Variants in PLXDC2 observed in about 807,000 individuals in gnomAD.
The protein encoded by PLXDC2 is plexin domain-containing protein 2.
In PLXDC2, 40 loss-of-function variants were observed where a neutral mutation model predicts 68.9. The observed-to-expected ratio is 0.58, with a 90% CI of 0.45 to 0.76. PLXDC2 has a LOEUF of 0.76. Among genes scored for constraint, PLXDC2 ranks in the 30% least tolerant of loss-of-function variants. The pLI, the probability that PLXDC2 is intolerant of heterozygous loss-of-function variation, is 0.00. For missense variants in PLXDC2, 644 were observed against 661.9 expected (o/e 0.97, Z 0.30); for synonymous variants, 243 against 234.2 (o/e 1.04, Z -0.34).
rs184495875 is a variant in PLXDC2, at chr10:20,215,210, G to A, written c.1123-2216G>A. Among the ~76,000 whole-genome samples, 408 of 151,850 alleles carry A rather than the reference G, an allele frequency of 2.7e-3. 4 individuals carry two copies. The highest frequency in any genetic ancestry group is 2.4e-3 in the Non-Finnish European group (162 of 67,934). On this transcript the variant is annotated intron_variant, in intron 10 of 13. Coordinates refer to ENST00000377252, the MANE Select transcript of PLXDC2 (RefSeq NM_032812.9). ...GGTGTGTCACAGAAACCAAGACAGG[G>A]GAGTGGACATCTGCACCATAGGCTG...
At chr10:19,972,692 A>G (rs1185236572) in intron 1 of PLXDC2, among the ~76,000 whole-genome samples, 6 of 152,192 alleles carry the variant, frequency 3.9e-5, no homozygotes, top group African/African-American at 1.4e-4. Flanking sequence ...GGGAGACTTG[A>G]TTAAGGAGAG....
In PLXDC2 at chr10:20,256,611, C is replaced by A. The variant is rs373597373; in HGVS notation, c.1473+11106C>A. 7.8e-4 allele frequency among the ~76,000 whole-genome samples: 118 copies of A among 151,666 alleles called. 4 individuals carry two copies. In the South Asian group the frequency reaches 0.024, roughly 31 times the overall value. On this transcript the variant is annotated intron_variant, in intron 13 of 13. Transcript: ENST00000377252. ...CCTAGATTTGTAATAAGATTTAATCCTCCCAAAAGTGTATCAGATTTTATC... is the reference window on the plus strand; with the variant it reads ...CCTAGATTTGTAATAAGATTTAATCATCCCAAAAGTGTATCAGATTTTATC...
intron 4 of PLXDC2, among the ~76,000 whole-genome samples, chr10:20,081,628 A>C (rs1350174761): frequency 6.6e-6 from 1 of 152,214 alleles, no homozygotes; most frequent in East Asian, 1.9e-4. Flanking sequence ...CCAAAAAACC[A>C]CATGTAGGCA....
At chr10:19,883,634 T>A (rs183791009) in intron 1 of PLXDC2, among the ~76,000 whole-genome samples, 31 of 152,172 alleles carry the variant, frequency 2.0e-4, no homozygotes, top group African/African-American at 7.2e-4. Flanking sequence ...TTGAATAGTG[T>A]CTCCTAGGAT....
intron 4 of PLXDC2, among the ~76,000 whole-genome samples, chr10:20,109,126 C>A (rs1043849451): frequency 6.6e-6 from 1 of 152,046 alleles, no homozygotes; most frequent in Non-Finnish European, 1.5e-5. Flanking sequence ...CTCAGGGAGG[C>A]GGTTACGATA....
chr10:20,030,603 C>T (rs1835487151), intron 2 of PLXDC2, among the ~76,000 whole-genome samples: 2 of 152,172 alleles, frequency 1.3e-5, no homozygotes. Flanking sequence ...GCAAAGATTC[C>T]TGCCACAGTT....
intron 1 of PLXDC2, among the ~76,000 whole-genome samples, chr10:19,966,446 A>T (rs1480735941): frequency 0.02 from 1,248 of 62,226 alleles, no homozygotes; most frequent in East Asian, 0.033. Flanking sequence ...ATATATATAA[A>T]ACATGTGTGT....
At chr10:19,977,494 A>G (rs1287058466) in intron 1 of PLXDC2, among the ~76,000 whole-genome samples, 1 of 152,184 alleles carries the variant, frequency 6.6e-6, no homozygotes, top group Non-Finnish European at 1.5e-5. Flanking sequence ...TTCTGATGAT[A>G]ATCTTTCAGC....
chr10:20,069,043 G>T (rs11011779), intron 4 of PLXDC2, among the ~76,000 whole-genome samples: 1 of 152,104 alleles, frequency 6.6e-6, no homozygotes, highest in South Asian at 2.1e-4. Context: ...AATTCCATAG[G>T]TGTACAAAGA....
At chr10:20,029,701 G>A (rs1835467843) in intron 2 of PLXDC2, among the ~76,000 whole-genome samples, 2 of 152,126 alleles carry the variant, frequency 1.3e-5, no homozygotes, top group South Asian at 4.1e-4. Context: ...TTATAGATCG[G>A]AAAGAGAATA....
chr10:20,247,653 G>A (rs1352741101), intron 13 of PLXDC2, among the ~76,000 whole-genome samples: 1 of 152,030 alleles, frequency 6.6e-6, no homozygotes, highest in Non-Finnish European at 1.5e-5. Flanking sequence ...CCTTTCTCTG[G>A]CATTCATCTT....
At chr10:19,854,608 A>G (rs1490437187) in intron 1 of PLXDC2, among the ~76,000 whole-genome samples, 1 of 152,076 alleles carries the variant, frequency 6.6e-6, no homozygotes, top group South Asian at 2.1e-4. Flanking sequence ...TTTTTTTTAC[A>G]TTATAAGGTT....
At chr10:19,860,781 A>C (rs573866352) in intron 1 of PLXDC2, among the ~76,000 whole-genome samples, 1 of 152,264 alleles carries the variant, frequency 6.6e-6, no homozygotes, top group South Asian at 2.1e-4. Flanking sequence ...AACTAAGCTC[A>C]TTCTCTTTTG....
chr10:19,987,827 CA>C (rs1834673275), intron 1 of PLXDC2, among the ~76,000 whole-genome samples: 1 of 152,132 alleles, frequency 6.6e-6, no homozygotes, highest in Admixed American at 6.5e-5. Flanking sequence ...CTTGACCTCC[CA>C]AAGTGCTGGG....
intron 1 of PLXDC2, among the ~76,000 whole-genome samples, chr10:19,929,331 A>T (rs1443053555): frequency 1.3e-5 from 2 of 152,096 alleles, no homozygotes; most frequent in Non-Finnish European, 2.9e-5. Context: ...TTCATACCCA[A>T]CCCTCAGATT....
chr10:20,105,177 A>G (rs1833475691), intron 4 of PLXDC2, among the ~76,000 whole-genome samples: 1 of 151,200 alleles, frequency 6.6e-6, no homozygotes, highest in Non-Finnish European at 1.5e-5. Context: ...GAGACTCTCC[A>G]CCCGCCTTTT....
At chr10:20,168,900 A>G (rs916167720) in intron 7 of PLXDC2, among the ~76,000 whole-genome samples, 2 of 152,184 alleles carry the variant, frequency 1.3e-5, no homozygotes, top group African/African-American at 2.4e-5. Flanking sequence ...CCAACTATTT[A>G]TTTGTAATAT....
chr10:20,276,537 A>G (rs112784496), intron 13 of PLXDC2, among the ~76,000 whole-genome samples: 57 of 152,322 alleles, frequency 3.7e-4, no homozygotes, highest in African/African-American at 1.3e-3. Context: ...TGAAATTAGA[A>G]ATCACCCACA....
rs563744336 is a variant in PLXDC2, at chr10:20,177,570, G to A, written c.1061+161G>A. 5.4e-4 allele frequency among the ~76,000 whole-genome samples: 82 copies of A among 152,162 alleles called. 1 individual carries two copies. The South Asian group carries it at 0.015, about 28-fold the overall frequency. On this transcript the variant is annotated intron_variant, in intron 9 of 13. Coordinates refer to ENST00000377252, the MANE Select transcript of PLXDC2 (RefSeq NM_032812.9). ...GCTTGAACCCAGGAGTTCAAGATCA[G>A]CCTGGGCAACATAGCAAGAACCTGT...
Sources: gnomAD v4.1 joint callset for allele counts (sites outside exome capture counted in the v4.1 genomes callset) on GRCh38, gnomAD v4.1.1 for gene constraint, MANE v1.5 for transcripts, NCBI Gene and HGNC (gene_info 2026-07-23, HGNC 2026-07-21) for gene names.